Variants in COLEC10 observed in about 807,000 individuals in gnomAD.
COLEC10 encodes collectin subfamily member 10, also known as collectin-10.
Under a neutral mutation model 28.4 loss-of-function variants are expected in COLEC10, and 22 were observed. That is an observed-to-expected ratio of 0.78 (90% CI 0.55 to 1.11). The LOEUF is 1.11. COLEC10 is among the 50% of genes least tolerant of loss of function. The probability of loss-of-function intolerance (pLI) is 0.00; values close to 1 mark genes in which losing one functional copy is unlikely to be tolerated. For missense variants in COLEC10, 361 were observed against 344.1 expected (o/e 1.05, Z -0.39); for synonymous variants, 125 against 116.1 (o/e 1.08, Z -0.49).
intron 1 of COLEC10, among the ~76,000 whole-genome samples, chr8:119,004,759 C>G (rs1054570950): frequency 2.0e-5 from 3 of 151,766 alleles, no homozygotes; most frequent in Non-Finnish European, 4.4e-5. Flanking sequence ...CAATTGCTCA[C>G]CTGGGAGTAA....
At chr8:119,023,707 T>C (rs964036111) in intron 2 of COLEC10, among the ~76,000 whole-genome samples, 9 of 152,190 alleles carry the variant, frequency 5.9e-5, no homozygotes, top group Admixed American at 1.3e-4. Flanking sequence ...TTAATCTCCA[T>C]CATTAAATGT....
intron 1 of COLEC10, among the ~76,000 whole-genome samples, chr8:119,079,316 A>C (rs1815321296): frequency 6.6e-6 from 1 of 152,166 alleles, no homozygotes; most frequent in South Asian, 2.1e-4. Flanking sequence ...CTGATGAGCA[A>C]ACTGAGGCTT....
Position 119,087,848 on chromosome 8 carries a change from A to G in COLEC10, c.149-1832A>G, listed in dbSNP as rs146297333. 2.0e-3 allele frequency among the ~76,000 whole-genome samples: 312 copies of G among 152,308 alleles called. 9 individuals are homozygous for G. In the East Asian group the frequency reaches 0.056, roughly 27 times the overall value. ...ATTTGACTACTAAAAGCTCTATGAC[A>G]ATAGGCAAGCAACTTAACCACATAG... On this transcript the variant is annotated intron_variant, in intron 1 of 5. Coordinates refer to ENST00000332843, the MANE Select transcript of COLEC10 (RefSeq NM_006438.5).
chr8:119,018,237 A>G (rs1814029142), intron 2 of COLEC10, among the ~76,000 whole-genome samples: 1 of 152,200 alleles, frequency 6.6e-6, no homozygotes, highest in African/African-American at 2.4e-5. Context: ...CCCTAGGGTC[A>G]CTTGGTAGCT....
the COLEC10 span, among the ~76,000 whole-genome samples, chr8:118,977,232 C>G: frequency 6.9e-6 from 1 of 144,578 alleles, no homozygotes; most frequent in Non-Finnish European, 1.5e-5. Context: ...CCATTTGAGC[C>G]AGCCATCCCA....
chr8:119,067,557 T>A, intron 1 of COLEC10, 128 bp downstream of exon 1: 1 of 902,950 alleles, frequency 1.1e-6, no homozygotes, highest in Non-Finnish European at 1.6e-6. Context: ...TTCCTTCTAT[T>A]TTGGAAAATC....
chr8:119,003,132 A>G (rs1307747480), intron 1 of COLEC10, among the ~76,000 whole-genome samples: 1 of 152,150 alleles, frequency 6.6e-6, no homozygotes, highest in Admixed American at 6.6e-5. Context: ...TGCATTGCCA[A>G]TTTTTAAAAA....
the COLEC10 span, among the ~76,000 whole-genome samples, chr8:118,959,824 A>C: frequency 6.6e-6 from 1 of 152,158 alleles, no homozygotes; most frequent in Non-Finnish European, 1.5e-5. Flanking sequence ...TTGGCTATTC[A>C]TGTGTCTTCC....
intron 2 of COLEC10, among the ~76,000 whole-genome samples, chr8:119,029,590 C>T (rs772097500): frequency 2.0e-5 from 3 of 152,090 alleles, no homozygotes; most frequent in East Asian, 1.9e-4. Context: ...AGTTTTGCCT[C>T]GCAAAGGTGG....
chr8:119,082,831 A>C (rs1815395039), intron 1 of COLEC10, among the ~76,000 whole-genome samples: 1 of 152,196 alleles, frequency 6.6e-6, no homozygotes, highest in African/African-American at 2.4e-5. Context: ...CTCAGTCTAA[A>C]GGATCCTATT....
At chr8:118,959,370 T>C in the COLEC10 span, among the ~76,000 whole-genome samples, 96 of 146,540 alleles carry the variant, frequency 6.6e-4, no homozygotes, top group East Asian at 0.02. Context: ...GCTAGACTCT[T>C]GTATTTGAAT....
chr8:119,047,707 AG>A (rs1324109349), intron 2 of COLEC10, among the ~76,000 whole-genome samples: 1 of 152,216 alleles, frequency 6.6e-6, no homozygotes, highest in African/African-American at 2.4e-5. Context: ...TCAGTAATAA[AG>A]CAAATAAATG....
In COLEC10 at chr8:119,053,753, C is replaced by A. The variant is rs183396643; in HGVS notation, n.236-35927C>A. Among the ~76,000 whole-genome samples the A allele has an allele frequency of 1.2e-3, 177 of 151,800 alleles. 1 individual carries two copies. Among genetic ancestry groups the A allele is most frequent in the Admixed American group, 3.1e-3 (47 of 15,214 alleles). On this transcript the variant is annotated intron_variant and non_coding_transcript_variant, in intron 2 of 6. Coordinates refer to the COLEC10 transcript ENST00000521788. ...CACACAGTTAAACTTACAAAATAATCTTCATTCTTTCCTTCAGTTCTTGAT... is the reference window on the plus strand; with the variant it reads ...CACACAGTTAAACTTACAAAATAATATTCATTCTTTCCTTCAGTTCTTGAT...
rs73325464 is a variant in COLEC10 at position 119,055,969 on chromosome 8, A to T, written n.236-33711A>T. Among the ~76,000 whole-genome samples the T allele has an allele frequency of 4.1e-3, 621 of 152,170 alleles. 5 individuals are homozygous for T. The highest frequency in any genetic ancestry group is 0.014 in the African/African-American group (571 of 41,534). On this transcript the variant is annotated intron_variant and non_coding_transcript_variant, in intron 2 of 6. Transcript: ENST00000521788. ...CTCTGGCTGGAATTTTTTTGAGCCA[A>T]CAGACACCAACTCCACGTATCCAAG...
intron 1 of COLEC10, chr8:119,067,684 G>C (rs559456900): frequency 2.6e-6 from 1 of 378,822 alleles, no homozygotes. Flanking sequence ...CCAGGGCAGG[G>C]GGAAATTCCC....
At chr8:118,993,739 T>G (rs1481515904), upstream of COLEC10, among the ~76,000 whole-genome samples, 1 of 152,220 alleles carries the variant, frequency 6.6e-6, no homozygotes, top group Non-Finnish European at 1.5e-5. Flanking sequence ...CGCATGTTAG[T>G]GATCTCATTT....
chr8:119,090,961 C>T (rs1416851471), intron 2 of COLEC10, among the ~76,000 whole-genome samples, 188 bp from the exon 3 acceptor site: 1 of 152,150 alleles, frequency 6.6e-6, no homozygotes, highest in East Asian at 1.9e-4. Context: ...TTCATACTCA[C>T]TCACATTTTA....
At position 119,089,575 on chromosome 8, in the gene COLEC10, G is replaced by A. The variant is rs184310492; in HGVS notation, c.149-105G>A. On this transcript the variant is annotated intron_variant, in intron 1 of 5. Coordinates refer to ENST00000332843, the MANE Select transcript of COLEC10 (RefSeq NM_006438.5). ...CTCACAGCTGGATTGTGAGGCAAGCGCTGAGCTGAGGGAAAGATTGTAACC... is the reference window on the plus strand; with the variant it reads ...CTCACAGCTGGATTGTGAGGCAAGCACTGAGCTGAGGGAAAGATTGTAACC... The A allele has an allele frequency of 7.7e-5, 64 of 832,422 alleles. No homozygotes were observed. In the East Asian group the frequency reaches 1.2e-3, roughly 15 times the overall value. The allele number at this position is 832,422 out of a possible 1,614,324, so 51.6% of individuals were successfully genotyped here.
Position 119,106,041 on chromosome 8 carries a change from G to A in COLEC10, c.684G>A (p.Leu228=). The A allele has an allele frequency of 6.2e-7, 1 of 1,613,892 alleles. No individual in the cohort carries two copies. The highest frequency in any genetic ancestry group is 1.1e-5 in the South Asian group (1 of 91,076). ...GQYMFTDNTP[L]QNYSNWNEGE... is the part of the protein sequence containing the mutation. Reference sequence around the variant, plus strand: ...ACATGTTCACAGACAACACTCCACTGCAGAACTATAGCAACTGGAATGAGG... The same window carrying A: ...ACATGTTCACAGACAACACTCCACTACAGAACTATAGCAACTGGAATGAGG... Residue 228 remains leucine, a synonymous_variant, in exon 6 of 6, where the codon CTG becomes CTA. Coordinates refer to ENST00000332843, the MANE Select transcript of COLEC10 (RefSeq NM_006438.5).
Sources: gnomAD v4.1 joint callset for allele counts (sites outside exome capture counted in the v4.1 genomes callset) on GRCh38, gnomAD v4.1.1 for gene constraint, MANE v1.5 for transcripts, NCBI Gene and HGNC (gene_info 2026-07-23, HGNC 2026-07-21) for gene names.